The following CD9 variants were observed in gnomAD, a reference collection of about 807,000 sequenced individuals.
The protein encoded by CD9 is CD9 antigen.
In CD9, 10 loss-of-function variants were observed where a neutral mutation model predicts 31.4. The ratio of observed to expected loss-of-function variants is 0.32; its 90% CI spans 0.20 to 0.54. CD9 has a LOEUF of 0.54. Among genes scored for constraint, CD9 ranks in the 20% least tolerant of loss-of-function variants. The probability of loss-of-function intolerance (pLI) is 0.94; values close to 1 mark genes in which losing one functional copy is unlikely to be tolerated. For missense variants in CD9, 259 were observed against 300.1 expected, an observed-to-expected ratio of 0.86 and a Z score of 1.01; for synonymous variants, 113 against 114.1, an observed-to-expected ratio of 0.99 and a Z score of 0.06.
At chr12:6,202,014 G>A (rs1262110240) in intron 1 of CD9, among the ~76,000 whole-genome samples, 2 of 152,172 alleles carry the variant, frequency 1.3e-5, no homozygotes, top group Non-Finnish European at 2.9e-5. Context: ...CTTAGCCTGG[G>A]TGACCTAGTG....
chr12:6,220,703 C>T (rs1946284284), intron 1 of CD9, among the ~76,000 whole-genome samples: 1 of 152,210 alleles, frequency 6.6e-6, no homozygotes, highest in Admixed American at 6.5e-5. Flanking sequence ...GAGACCCCTG[C>T]TTCTTTATTA....
chr12:6,235,820 C>G, intron 6 of CD9: 1 of 1,381,660 alleles, frequency 7.2e-7, no homozygotes, highest in Non-Finnish European at 9.3e-7. Flanking sequence ...CTCTCAAGGG[C>G]AGGCGTGCTT....
At chr12:6,200,086 A>G (rs1946055108), upstream of CD9, 1 of 152,230 alleles carries the variant, frequency 6.6e-6, no homozygotes, top group African/African-American at 2.4e-5. Flanking sequence ...AGTCCGCGGT[A>G]AAAGTGGCAG....
chr12:6,221,418 G>A (rs2136619171), intron 1 of CD9, among the ~76,000 whole-genome samples: 1 of 152,290 alleles, frequency 6.6e-6, no homozygotes, highest in African/African-American at 2.4e-5. Context: ...ACAGGGCACT[G>A]TCTCATTCAG....
chr12:6,235,535 G>A lies in CD9; in HGVS notation c.507G>A (p.Lys169=), dbSNP rs1320476467. ...VEQFISDICP[K]KDVLETFTVK... is the part of the protein sequence containing the mutation. ...AGTTTATCTCAGACATCTGCCCCAA[G>A]AAGGACGTACTCGAAACCTTCACCG... The change falls in exon 6 of 8, where the codon AAG becomes AAA. Residue 169 remains lysine (K), a synonymous_variant. Coordinates refer to ENST00000009180, the MANE Select transcript of CD9 (RefSeq NM_001769.4). The A allele has an allele frequency of 3.1e-6, 5 of 1,613,794 alleles. No individual in the cohort carries two copies. The highest frequency in any genetic ancestry group is 4.2e-6 in the Non-Finnish European group (5 of 1,179,710).
intron 6 of CD9, 144 bp downstream of exon 6, chr12:6,235,709 T>C: frequency 7.0e-7 from 1 of 1,432,000 alleles, no homozygotes. Flanking sequence ...TCTCTTTCTC[T>C]CCCACTTTGG....
intron 1 of CD9, among the ~76,000 whole-genome samples, chr12:6,204,997 A>G (rs994859393): frequency 6.6e-6 from 1 of 152,258 alleles, no homozygotes; most frequent in Non-Finnish European, 1.5e-5. Flanking sequence ...ATTGCCTGTC[A>G]GAGAAACCCT....
chr12:6,212,302 C>G lies in CD9; in HGVS notation c.66+11737C>G, dbSNP rs564122952. 2.0e-5 allele frequency among the ~76,000 whole-genome samples: 3 copies of G among 152,334 alleles called. 1 individual carries two copies. In the South Asian group the frequency reaches 6.2e-4, roughly 32 times the overall value. ...CTCACAGGGATGATTCTAACTAGCT[C>G]TCAGGCTCTAAGGCAGCCCACTAAG... On this transcript the variant is annotated intron_variant, in intron 1 of 7. Coordinates refer to ENST00000009180, the MANE Select transcript of CD9 (RefSeq NM_001769.4).
rs138538573 is a variant in CD9 at position 6,236,225 on chromosome 12, A to G, written c.571A>G (p.Asn191Asp). ...CPDAIKEVFD[N>D]KFHIIGAVGI... ...TGATGCCATCAAAGAGGTCTTCGAC[A>G]ATAAATTCCACATCATCGGCGCAGT... Residue 191 changes from asparagine to aspartate, a missense_variant, in exon 7 of 8, where the codon AAT becomes GAT. Asn to Asp is a conservative substitution (Grantham distance 23). Coordinates refer to ENST00000009180, the MANE Select transcript of CD9 (RefSeq NM_001769.4). 93 of 1,614,088 alleles carry G rather than the reference A, an allele frequency of 5.8e-5. No individual in the cohort carries two copies. The African/African-American group carries it at 7.3e-4, about 13-fold the overall frequency.
intron 1 of CD9, among the ~76,000 whole-genome samples, chr12:6,207,696 C>G (rs932997594): frequency 5.9e-5 from 9 of 152,174 alleles, no homozygotes; most frequent in Non-Finnish European, 1.3e-4. Flanking sequence ...AGCTGCACTC[C>G]CAAGGAGTTG....
At chr12:6,213,004 A>G (rs781197643) in intron 1 of CD9, among the ~76,000 whole-genome samples, 2 of 152,222 alleles carry the variant, frequency 1.3e-5, no homozygotes, top group African/African-American at 4.8e-5. Flanking sequence ...GTGGGGAGAC[A>G]GCAAATTAGT....
intron 1 of CD9, among the ~76,000 whole-genome samples, chr12:6,218,456 C>A (rs1278109868): frequency 6.6e-6 from 1 of 152,170 alleles, no homozygotes; most frequent in East Asian, 1.9e-4. Flanking sequence ...TCCTCTTCCT[C>A]TGGGTTACCT....
At chr12:6,203,908 C>A (rs1257524692) in intron 1 of CD9, among the ~76,000 whole-genome samples, 1 of 152,188 alleles carries the variant, frequency 6.6e-6, no homozygotes, top group Non-Finnish European at 1.5e-5. Flanking sequence ...AGCCCAATCC[C>A]CTCCCCACCT....
At chr12:6,216,628 C>T (rs567218186) in intron 1 of CD9, among the ~76,000 whole-genome samples, 19 of 152,174 alleles carry the variant, frequency 1.2e-4, no homozygotes, top group Non-Finnish European at 2.6e-4. Flanking sequence ...CTTCCTTCCC[C>T]ACTTTCCTTT....
chr12:6,212,985 C>CTGA (rs1415506793), intron 1 of CD9, among the ~76,000 whole-genome samples: 1 of 152,158 alleles, frequency 6.6e-6, no homozygotes, highest in Non-Finnish European at 1.5e-5. Flanking sequence ...GATAGAAACG[C>CTGA]TGATTCCCGT....
chr12:6,225,310 A>G, intron 1 of CD9, 116 bp from the exon 2 acceptor site: 1 of 697,778 alleles, frequency 1.4e-6, no homozygotes, highest in South Asian at 1.7e-5. Context: ...GGCGTATATG[A>G]GGGGCAGAGA....
intron 2 of CD9, among the ~76,000 whole-genome samples, chr12:6,228,337 AG>A (rs981740433): frequency 6.6e-6 from 1 of 152,114 alleles, no homozygotes; most frequent in Non-Finnish European, 1.5e-5. Flanking sequence ...AGATCACCCG[AG>A]GTCAGGAGTT....
intron 1 of CD9, among the ~76,000 whole-genome samples, chr12:6,217,141 T>G (rs945878084): frequency 2.0e-5 from 3 of 152,084 alleles, no homozygotes; most frequent in Non-Finnish European, 4.4e-5. Flanking sequence ...TCCATCACAG[T>G]CCAGTCATTC....
chr12:6,222,031 G>A (rs1946298240), intron 1 of CD9, among the ~76,000 whole-genome samples: 1 of 152,092 alleles, frequency 6.6e-6, no homozygotes, highest in Non-Finnish European at 1.5e-5. Flanking sequence ...GCCGGATGGG[G>A]ACAGGGGAGC....
Sources: allele counts gnomAD v4.1 joint callset (sites outside exome capture counted in the v4.1 genomes callset), GRCh38; gene constraint gnomAD v4.1.1; transcripts MANE v1.5; gene names NCBI Gene and HGNC (gene_info 2026-07-23, HGNC 2026-07-21).